ARHGEF40: variants seen among roughly 807,000 people sequenced by gnomAD.
The protein encoded by ARHGEF40 is Rho guanine nucleotide exchange factor (GEF) 40.
In ARHGEF40, 98 loss-of-function variants were observed where a neutral mutation model predicts 165.9. The observed-to-expected ratio is 0.59, with a 90% CI of 0.50 to 0.70. ARHGEF40 has a LOEUF of 0.70. Ranked by LOEUF, ARHGEF40 falls within the 30% of genes least tolerant of loss-of-function variation. ARHGEF40 has a pLI of 0.00. For synonymous variants in ARHGEF40, 792 were observed against 814.3 expected, an observed-to-expected ratio of 0.97 and a Z score of 0.47; for missense variants, 1,815 against 1,968.0, an observed-to-expected ratio of 0.92 and a Z score of 1.47.
In ARHGEF40 at chr14:21,076,430, C is replaced by T. The variant is rs763630439; in HGVS notation, c.1810C>T (p.Leu604Phe). The change falls in exon 6 of 24, where the codon CTC becomes TTC. Residue 604 changes from leucine (L) to phenylalanine (F), a missense_variant. Physicochemically the swap from Leu to Phe is conservative, Grantham distance 22. Transcript: ENST00000298694. Reference protein sequence around the residue: ...LRQAPPLPPALIPALSQLQDS... With the variant: ...LRQAPPLPPAFIPALSQLQDS... Reference sequence around the variant, plus strand: ...TCAGGCACCTCCACTGCCTCCAGCACTCATTCCTGCCTTGAGCCAACTTCA... The same window carrying T: ...TCAGGCACCTCCACTGCCTCCAGCATTCATTCCTGCCTTGAGCCAACTTCA... 2 of 1,613,924 alleles carry T rather than the reference C, an allele frequency of 1.2e-6. No individual in the cohort carries two copies. Among genetic ancestry groups the T allele is most frequent in the Non-Finnish European group, 8.5e-7 (1 of 1,180,044 alleles).
chr14:21,081,479 C>T (rs1212593140), intron 13 of ARHGEF40, 30 bp from the exon 14 acceptor site: 1 of 1,610,100 alleles, frequency 6.2e-7, no homozygotes, highest in South Asian at 1.1e-5. Context: ...TACCCTTTCT[C>T]TCCCATCCCC....
In ARHGEF40 at chr14:21,073,266, C is replaced by G. The variant is rs375710652; in HGVS notation, c.201+24C>G. The stretch of plus-strand genomic sequence containing the variant: ...GTGTGAGTGGCCGTGCATCACTATT[C>G]TGCCTTCCCCAAGATCCACTGCCAC... On this transcript the variant is annotated intron_variant, in intron 2 of 23. Transcript: ENST00000298694. The surrounding 1 kb of genome is among the most constrained non-coding windows in gnomAD (Gnocchi z 4.6). The G allele has an allele frequency of 2.4e-5, 38 of 1,573,236 alleles. No homozygotes were observed. The highest frequency in any genetic ancestry group is 3.0e-5 in the Non-Finnish European group (35 of 1,159,686).
At position 21,075,540 on chromosome 14, in the gene ARHGEF40, A is replaced by G; in HGVS notation, c.1618+41A>G. ...TGGGTGAAGGGAAACAGGACTGGGA[A>G]AGAGAAGCAATTGGGTGGGCTTGGG... On this transcript the variant is annotated intron_variant, in intron 4 of 23. Transcript: ENST00000298694. This position sits in a 1 kb window ranked among gnomAD's most constrained non-coding sequence, Gnocchi z 4.5. 1 of 1,614,114 alleles carries G rather than the reference A, an allele frequency of 6.2e-7. No individual in the cohort carries two copies. Among genetic ancestry groups the G allele is most frequent in the Non-Finnish European group, 8.5e-7 (1 of 1,180,014 alleles).
chr14:21,062,708 A>AGTGTGTGTGTGTGTGTGTGT, the ARHGEF40 span, among the ~76,000 whole-genome samples: 2,597 of 130,970 alleles, frequency 0.02, 50 homozygotes, highest in South Asian at 0.04. Flanking sequence ...GGCTGGGCAC[A>AGTGTGTGTGTGTGTGTGTGT]GTGTGTGTGT....
the ARHGEF40 span, among the ~76,000 whole-genome samples, chr14:21,063,214 G>A: frequency 6.6e-6 from 1 of 151,974 alleles, no homozygotes; most frequent in African/African-American, 2.4e-5. Context: ...TAAAAGTGGT[G>A]TGTATGTGTG....
intron 11 of ARHGEF40, among the ~76,000 whole-genome samples, 184 bp from the exon 12 acceptor site, chr14:21,080,476 C>G (rs781540648): frequency 6.6e-6 from 1 of 152,184 alleles, no homozygotes; most frequent in Non-Finnish European, 1.5e-5. Context: ...ATTTCTTACT[C>G]GGTTTCTCAT....
chr14:21,071,167 G>C (rs1346894838), intron 1 of ARHGEF40, among the ~76,000 whole-genome samples: 4 of 152,206 alleles, frequency 2.6e-5, no homozygotes, highest in African/African-American at 9.6e-5. Context: ...AGGGACTAGG[G>C]GACCCTGGCA....
chr14:21,072,702 C>T lies in ARHGEF40; in HGVS notation c.4-343C>T, dbSNP rs1248129089. ...CCATAAGCTCAGTCCCCTGATAGCCCAGAAGCCTGTCTTTTCTCTCCTGGG... is the reference window on the plus strand; with the variant it reads ...CCATAAGCTCAGTCCCCTGATAGCCTAGAAGCCTGTCTTTTCTCTCCTGGG... On this transcript the variant is annotated intron_variant, in intron 1 of 23. Coordinates refer to ENST00000298694, the MANE Select transcript of ARHGEF40 (RefSeq NM_018071.5). The surrounding 1 kb of genome is among the most constrained non-coding windows in gnomAD (Gnocchi z 4.1). Among the ~76,000 whole-genome samples, 1 of 152,096 alleles carries T rather than the reference C, an allele frequency of 6.6e-6. No homozygotes were observed. Among genetic ancestry groups the T allele is most frequent in the Non-Finnish European group, 1.5e-5 (1 of 68,018 alleles).
At chr14:21,071,967 A>C (rs1421499323) in intron 1 of ARHGEF40, among the ~76,000 whole-genome samples, 1 of 152,140 alleles carries the variant, frequency 6.6e-6, no homozygotes. Flanking sequence ...AAAATAAGCT[A>C]TTTTGTTTTA....
intron 1 of ARHGEF40, among the ~76,000 whole-genome samples, chr14:21,071,788 C>A: frequency 6.6e-6 from 1 of 152,216 alleles, no homozygotes; most frequent in Non-Finnish European, 1.5e-5. Context: ...CCCCCACCCA[C>A]GCGCACTGCG....
rs1886995834 is a variant in ARHGEF40 at position 21,072,190 on chromosome 14, G to A, written c.4-855G>A. On this transcript the variant is annotated intron_variant, in intron 1 of 23. Coordinates refer to ENST00000298694, the MANE Select transcript of ARHGEF40 (RefSeq NM_018071.5). The surrounding 1 kb of genome is among the most constrained non-coding windows in gnomAD (Gnocchi z 4.1). ...AAAGACGTCTCATTGACTCACTTAG[G>A]GAGGGGAGTCTGGATGAAGCAGGGC... Among the ~76,000 whole-genome samples, 1 of 152,174 alleles carries A rather than the reference G, an allele frequency of 6.6e-6. No homozygotes were observed. The highest frequency in any genetic ancestry group is 2.4e-5 in the African/African-American group (1 of 41,424).
At position 21,085,735 on chromosome 14, in the gene ARHGEF40, G is replaced by C; in HGVS notation, c.4007G>C (p.Cys1336Ser). ...LTENIGDSGL[C>S]FELWFRRRRA... ...GAAAACATCGGGGACAGCGGACTCTGCTTTGAGTTGTGGTTTCGGCGGCGG... is the reference window on the plus strand; with the variant it reads ...GAAAACATCGGGGACAGCGGACTCTCCTTTGAGTTGTGGTTTCGGCGGCGG... Residue 1336 changes from cysteine to serine, a missense_variant, in exon 19 of 24, where the codon TGC becomes TCC. Physicochemically the swap from Cys to Ser is moderately radical, Grantham distance 112. Coordinates refer to ENST00000298694, the MANE Select transcript of ARHGEF40 (RefSeq NM_018071.5). 6.2e-7 allele frequency: 1 copy of C among 1,614,200 alleles called. No homozygotes were observed. Among genetic ancestry groups the C allele is most frequent in the Non-Finnish European group, 8.5e-7 (1 of 1,180,046 alleles).
chr14:21,090,102 TG>T lies in ARHGEF40; in HGVS notation c.*1098del. The T allele has an allele frequency of 2.6e-6, 1 of 381,656 alleles. No individual in the cohort carries two copies. The highest frequency in any genetic ancestry group is 1.9e-5 in the South Asian group (1 of 53,176). 23.6% of individuals were successfully genotyped at this position (381,656 alleles called of 1,614,324 possible). A position where few individuals can be genotyped will look rare whatever the true frequency, so the allele number is the denominator to read the frequency against. On this transcript the variant is annotated 3_prime_UTR_variant, in exon 24 of 24. Coordinates refer to ENST00000298694, the MANE Select transcript of ARHGEF40 (RefSeq NM_018071.5). The surrounding 1 kb of genome is among the most constrained non-coding windows in gnomAD (Gnocchi z 4.4). ...CCTGTGCCTCAAGACACCTGTTTATTGGGGACACGACTCTGCAATAGGGATG... is the reference window on the plus strand; with the variant it reads ...CCTGTGCCTCAAGACACCTGTTTATTGGGACACGACTCTGCAATAGGGATG...
At chr14:21,080,527 C>A (rs1887809591) in intron 11 of ARHGEF40, 133 bp from the exon 12 acceptor site, 1 of 1,008,516 alleles carries the variant, frequency 9.9e-7, no homozygotes, top group Non-Finnish European at 1.4e-6. Context: ...TGTTGTCATT[C>A]CCACATTGCA....
chr14:21,082,647 C>G (rs1888016283), intron 15 of ARHGEF40, among the ~76,000 whole-genome samples, 169 bp downstream of exon 15: 1 of 152,214 alleles, frequency 6.6e-6, no homozygotes, highest in Admixed American at 6.5e-5. Flanking sequence ...GCCTCTGCGC[C>G]CTGCTCTCAA....
chr14:21,082,073 C>T lies in ARHGEF40; in HGVS notation c.3205C>T (p.Pro1069Ser). The stretch of plus-strand genomic sequence containing the variant: ...GGGCCGGGCTAGGGGGCCAGACGGA[C>T]CCTGGGGAGTAGGCACCCCCCGGAT... ...LLGRARGPDGPWGVGTPRMER... is the reference protein window; with the variant it reads ...LLGRARGPDGSWGVGTPRMER... The change falls in exon 14 of 24, where the codon CCC (proline) becomes TCC (serine). Residue 1069 changes from proline to serine, a missense_variant. Transcript: ENST00000298694. 2 of 1,560,172 alleles carry T rather than the reference C, an allele frequency of 1.3e-6. No individual in the cohort carries two copies. Among genetic ancestry groups the T allele is most frequent in the South Asian group, 1.2e-5 (1 of 84,994 alleles).
chr14:21,074,043 T>TTCTA lies in ARHGEF40; in HGVS notation c.317_320dup (p.Gln108SerfsTer33). ...CTGGCAACTGCTGCGCCCAGGAGAC[T>TTCTA]TCTATCTGCAGGTGGTGCCCTCAGC... On this transcript the variant is annotated frameshift_variant, in exon 3 of 24. Coordinates refer to ENST00000298694, the MANE Select transcript of ARHGEF40 (RefSeq NM_018071.5). LOFTEE classifies it high-confidence loss of function. This position sits in a 1 kb window ranked among gnomAD's most constrained non-coding sequence, Gnocchi z 4.8. 6.2e-7 allele frequency: 1 copy of TTCTA among 1,614,090 alleles called. No individual in the cohort carries two copies. Among genetic ancestry groups the TTCTA allele is most frequent in the Non-Finnish European group, 8.5e-7 (1 of 1,180,024 alleles).
Position 21,075,095 on chromosome 14 carries a change from G to T in ARHGEF40, c.1365G>T (p.Glu455Asp), listed in dbSNP as rs757758133. ...AGCTCAAAACAGCAGGCGAGAAAGAGCCTCAGCTCTCTGAAGCCTGTGGGC... is the reference window on the plus strand; with the variant it reads ...AGCTCAAAACAGCAGGCGAGAAAGATCCTCAGCTCTCTGAAGCCTGTGGGC... Reference protein sequence around the residue: ...PKELKTAGEKEPQLSEACGPT... With the variant: ...PKELKTAGEKDPQLSEACGPT... Residue 455 changes from glutamate to aspartate, a missense_variant, in exon 3 of 24, where the codon GAG becomes GAT. Coordinates refer to ENST00000298694, the MANE Select transcript of ARHGEF40 (RefSeq NM_018071.5). This position sits in a 1 kb window ranked among gnomAD's most constrained non-coding sequence, Gnocchi z 4.5. The T allele has an allele frequency of 3.1e-6, 5 of 1,613,948 alleles. No individual in the cohort carries two copies. The South Asian group carries it at 5.5e-5, about 18-fold the overall frequency.
At position 21,076,784 on chromosome 14, in the gene ARHGEF40, T is replaced by C. The variant is rs1024475982; in HGVS notation, c.1928T>C (p.Val643Ala). The change falls in exon 8 of 24, where the codon GTG becomes GCG. Residue 643 changes from valine to alanine, a missense_variant. Val to Ala is a moderately conservative substitution (Grantham distance 64). Transcript: ENST00000298694. ...CCTTACCCTCTACAGGGTGCTGAGG[T>C]GCTGTCAGAGAATGATCTGAAAAGA... is the stretch of plus-strand genomic sequence containing the variant. ...TELCGFQGAE[V>A]LSENDLKRVA... 4 of 1,613,826 alleles carry C rather than the reference T, an allele frequency of 2.5e-6. No individual in the cohort carries two copies. The highest frequency in any genetic ancestry group is 3.4e-6 in the Non-Finnish European group (4 of 1,179,976).
Sources: allele counts gnomAD v4.1 joint callset (sites outside exome capture counted in the v4.1 genomes callset), GRCh38; gene constraint gnomAD v4.1.1; non-coding constraint Gnocchi (gnomAD v3.1); transcripts MANE v1.5; gene names NCBI Gene and HGNC (gene_info 2026-07-23, HGNC 2026-07-21).